SH2D4A: variants seen among roughly 807,000 people sequenced by gnomAD.
The protein encoded by SH2D4A is SH2 domain containing 4A.
SH2D4A carries 70 observed loss-of-function variants against 64.7 expected under a neutral mutation model. The observed-to-expected ratio is 1.08, with a 90% CI of 0.89 to 1.32. The LOEUF is 1.32. SH2D4A is among the 40% of genes most tolerant of loss of function. The pLI, the probability that SH2D4A is intolerant of heterozygous loss-of-function variation, is 0.00. For synonymous variants in SH2D4A, 268 were observed against 200.7 expected, an observed-to-expected ratio of 1.34 and a Z score of -2.83; for missense variants, 706 against 540.1, an observed-to-expected ratio of 1.31 and a Z score of -3.04.
intron 8 of SH2D4A, among the ~76,000 whole-genome samples, chr8:19,388,813 C>T (rs2053433944): frequency 2.0e-5 from 3 of 152,142 alleles, no homozygotes; most frequent in Admixed American, 6.5e-5. Context: ...AACTCTTTTT[C>T]GGTCATCTTC....
At chr8:19,335,543 A>G (rs1042541881) in intron 4 of SH2D4A, among the ~76,000 whole-genome samples, 1 of 152,238 alleles carries the variant, frequency 6.6e-6, no homozygotes, top group African/African-American at 2.4e-5. Flanking sequence ...TTTATGGGCC[A>G]TGCCATCTTT....
At chr8:19,364,917 CTG>C (rs1263483095) in intron 7 of SH2D4A, among the ~76,000 whole-genome samples, 4 of 152,134 alleles carry the variant, frequency 2.6e-5, no homozygotes, top group African/African-American at 7.2e-5. Flanking sequence ...TCTGGAAAAA[CTG>C]TAGAAAAGTG....
intron 7 of SH2D4A, among the ~76,000 whole-genome samples, chr8:19,369,636 A>T (rs1392245084): frequency 6.6e-6 from 1 of 152,066 alleles, no homozygotes; most frequent in East Asian, 1.9e-4. Context: ...TGTTGATAAT[A>T]GTCTCTAGTG....
chr8:19,331,270 T>A (rs1189744969), intron 2 of SH2D4A, among the ~76,000 whole-genome samples: 3 of 152,226 alleles, frequency 2.0e-5, no homozygotes, highest in African/African-American at 7.2e-5. Flanking sequence ...CTCCTTTGAC[T>A]TAGTGTGAGA....
At chr8:19,339,678 T>C (rs1466529102) in intron 4 of SH2D4A, among the ~76,000 whole-genome samples, 1 of 151,846 alleles carries the variant, frequency 6.6e-6, no homozygotes, top group East Asian at 1.9e-4. Flanking sequence ...TTTAACAATT[T>C]TTTATAGTGA....
At position 19,313,771 on chromosome 8, in the gene SH2D4A, C is replaced by A. The variant is rs1192061966; in HGVS notation, c.-257C>A. ...CCCTTCCCCGACGGCTTCTGGCGGC[C>A]AAGTGGATGTGGCGGGTGATCGAGC... On this transcript the variant is annotated 5_prime_UTR_variant, in exon 1 of 10. Coordinates refer to ENST00000265807, the MANE Select transcript of SH2D4A (RefSeq NM_022071.4). The A allele has an allele frequency of 2.6e-6, 4 of 1,513,208 alleles. No individual in the cohort carries two copies. Among genetic ancestry groups the A allele is most frequent in the Middle Eastern group, 1.7e-4 (1 of 5,910 alleles). The allele number at this position is 1,513,208 out of a possible 1,614,324, so 93.7% of individuals were successfully genotyped here.
At chr8:19,339,111 C>T (rs529685420) in intron 4 of SH2D4A, among the ~76,000 whole-genome samples, 1 of 152,310 alleles carries the variant, frequency 6.6e-6, no homozygotes, top group East Asian at 1.9e-4. Flanking sequence ...TCCAAGAGTC[C>T]AAAAGCTGAA....
chr8:19,373,305 C>CCTCCCATTCTGT (rs137959399), intron 7 of SH2D4A, among the ~76,000 whole-genome samples: 7,075 of 150,586 alleles, frequency 0.047, 573 homozygotes, highest in African/African-American at 0.17. Context: ...ATTCCCTCTC[C>CCTCCCATTCTGT]CTCCCATTCT....
chr8:19,320,666 T>G (rs1484541631), intron 2 of SH2D4A, among the ~76,000 whole-genome samples: 1 of 132,806 alleles, frequency 7.5e-6, no homozygotes, highest in East Asian at 2.4e-4. Flanking sequence ...CATATACACA[T>G]ACAGACACAG....
chr8:19,341,108 C>T (rs1224510755), intron 4 of SH2D4A, among the ~76,000 whole-genome samples: 2 of 152,210 alleles, frequency 1.3e-5, no homozygotes, highest in African/African-American at 4.8e-5. Flanking sequence ...CCACTCTCAT[C>T]GTAACTATGA....
At position 19,364,249 on chromosome 8, in the gene SH2D4A, T is replaced by C; in HGVS notation, c.884T>C (p.Leu295Pro). The change falls in exon 7 of 10, where the codon CTA becomes CCA. Residue 295 changes from leucine to proline, a missense_variant. Coordinates refer to ENST00000265807, the MANE Select transcript of SH2D4A (RefSeq NM_022071.4). The stretch of plus-strand genomic sequence containing the variant: ...CCCCTTCCACCCAAGCCTCAGTTCC[T>C]AAACTCAGGGGCATATCCTCAAAAA... The part of the protein sequence containing the change: ...RPPLPPKPQF[L>P]NSGAYPQKPL... 1 of 1,614,164 alleles carries C rather than the reference T, an allele frequency of 6.2e-7. No individual in the cohort carries two copies. Among genetic ancestry groups the C allele is most frequent in the South Asian group, 1.1e-5 (1 of 91,088 alleles).
intron 4 of SH2D4A, among the ~76,000 whole-genome samples, chr8:19,340,559 G>C (rs1049690930): frequency 6.6e-6 from 1 of 150,868 alleles, no homozygotes; most frequent in African/African-American, 2.4e-5. Flanking sequence ...AGAAGTGGTA[G>C]TGGTGGATAC....
intron 8 of SH2D4A, among the ~76,000 whole-genome samples, chr8:19,388,753 T>A (rs2053432579): frequency 6.6e-6 from 1 of 152,180 alleles, no homozygotes; most frequent in Non-Finnish European, 1.5e-5. Flanking sequence ...CACGGAAGTG[T>A]CCCACAGAAG....
At chr8:19,389,294 C>G (rs1195555473) in intron 8 of SH2D4A, among the ~76,000 whole-genome samples, 1 of 152,158 alleles carries the variant, frequency 6.6e-6, no homozygotes. Context: ...AAATGTTTCC[C>G]CGGGGCCTTT....
rs2053559210 is a variant in SH2D4A, at chr8:19,394,759, C to T, written c.*117C>T. ...CTGCAGCAGAGCCAATACTGATCAACTGAAAGTAAAGTATCCATGGAGTCC... is the reference window on the plus strand; with the variant it reads ...CTGCAGCAGAGCCAATACTGATCAATTGAAAGTAAAGTATCCATGGAGTCC... On this transcript the variant is annotated 3_prime_UTR_variant, in exon 10 of 10. Transcript: ENST00000265807. The T allele has an allele frequency of 1.9e-6, 1 of 533,370 alleles. No homozygotes were observed. The highest frequency in any genetic ancestry group is 3.1e-6 in the Non-Finnish European group (1 of 325,276). 33.0% of individuals were successfully genotyped at this position (533,370 alleles called of 1,614,324 possible).
chr8:19,330,205 G>C (rs185579964), intron 2 of SH2D4A, among the ~76,000 whole-genome samples: 247 of 152,212 alleles, frequency 1.6e-3, no homozygotes, highest in Non-Finnish European at 2.7e-3. Context: ...ATGTGAAGCC[G>C]AGGGTATCCC....
intron 6 of SH2D4A, among the ~76,000 whole-genome samples, chr8:19,361,967 A>C (rs960247459): frequency 6.6e-6 from 1 of 152,218 alleles, no homozygotes; most frequent in African/African-American, 2.4e-5. Flanking sequence ...TCATAGGAGA[A>C]GAATAAGCCC....
chr8:19,334,405 G>T (rs1024648617), intron 3 of SH2D4A, among the ~76,000 whole-genome samples: 2 of 152,154 alleles, frequency 1.3e-5, no homozygotes, highest in Admixed American at 1.3e-4. Context: ...AGCAGACCAG[G>T]GTTCAGATCT....
At chr8:19,314,094 C>G in intron 1 of SH2D4A, 1 of 1,166,290 alleles carries the variant, frequency 8.6e-7, no homozygotes, top group Non-Finnish European at 1.1e-6. Context: ...GCGGCGGTCC[C>G]CGGGGCCTGG....
Sources: gnomAD v4.1 joint callset for allele counts (sites outside exome capture counted in the v4.1 genomes callset) on GRCh38, gnomAD v4.1.1 for gene constraint, MANE v1.5 for transcripts, NCBI Gene and HGNC (gene_info 2026-07-23, HGNC 2026-07-21) for gene names.